The following MITF variants were observed in gnomAD, a reference collection of about 807,000 sequenced individuals.
MITF encodes microphthalmia-associated transcription factor.
Under a neutral mutation model 60.5 loss-of-function variants are expected in MITF, and 17 were observed. The observed-to-expected ratio is 0.28, with a 90% confidence interval of 0.19 to 0.42. MITF has a LOEUF of 0.42. Ranked by LOEUF, MITF falls within the 10% of genes least tolerant of loss-of-function variation. MITF has a pLI of 1.00. For missense variants in MITF, 622 were observed against 683.5 expected (o/e 0.91, Z 1.00); for synonymous variants, 260 against 248.5 (o/e 1.05, Z -0.43).
At chr3:69,757,069 C>T (rs1346687885) in intron 1 of MITF, among the ~76,000 whole-genome samples, 1 of 152,040 alleles carries the variant, frequency 6.6e-6, no homozygotes, top group Admixed American at 6.6e-5. Flanking sequence ...AATTTTCTCC[C>T]ATTCTGTAGA....
chr3:69,802,278 A>C (rs115500385), intron 1 of MITF, among the ~76,000 whole-genome samples: 119 of 152,298 alleles, frequency 7.8e-4, no homozygotes, highest in African/African-American at 2.7e-3. Context: ...CAGCCTCTGC[A>C]ACAATGATCC....
At chr3:69,795,149 G>A (rs1441422915) in intron 1 of MITF, among the ~76,000 whole-genome samples, 3 of 152,068 alleles carry the variant, frequency 2.0e-5, no homozygotes, top group Non-Finnish European at 4.4e-5. Flanking sequence ...TCTTTTGATA[G>A]ATTTATTCTT....
chr3:69,785,786 A>G (rs1004612660), intron 1 of MITF, among the ~76,000 whole-genome samples: 16 of 152,130 alleles, frequency 1.1e-4, no homozygotes, highest in Non-Finnish European at 1.6e-4. Context: ...ATGTCCATCT[A>G]CTGAATGGTC....
chr3:69,880,747 C>T (rs9819125), intron 2 of MITF, among the ~76,000 whole-genome samples: 3,758 of 151,966 alleles, frequency 0.025, 146 homozygotes, highest in African/African-American at 0.083. Flanking sequence ...GGGTGATAAT[C>T]ATTGTGTATA....
At chr3:69,922,735 T>G (rs1322657008) in intron 2 of MITF, among the ~76,000 whole-genome samples, 12 of 152,218 alleles carry the variant, frequency 7.9e-5, no homozygotes, top group African/African-American at 1.2e-4. Context: ...TTTACAAATC[T>G]CATGATACTG....
intron 1 of MITF, among the ~76,000 whole-genome samples, chr3:69,788,708 C>G (rs546132448): frequency 4.5e-4 from 69 of 152,240 alleles, no homozygotes; most frequent in African/African-American, 1.6e-3. Flanking sequence ...CATTACAAAA[C>G]TACAATAATC....
intron 2 of MITF, among the ~76,000 whole-genome samples, chr3:69,935,754 G>C (rs2065819082): frequency 1.3e-5 from 2 of 151,998 alleles, no homozygotes; most frequent in South Asian, 4.1e-4. Context: ...CAGAATATAA[G>C]TTTCATAAAG....
chr3:69,810,141 C>T (rs925228427), intron 1 of MITF, among the ~76,000 whole-genome samples: 4 of 152,142 alleles, frequency 2.6e-5, no homozygotes, highest in Non-Finnish European at 5.9e-5. Flanking sequence ...GAGCCTCATA[C>T]TGACTGGCCA....
intron 1 of MITF, among the ~76,000 whole-genome samples, chr3:69,791,572 G>A (rs372937026): frequency 9.9e-5 from 15 of 152,166 alleles, no homozygotes; most frequent in African/African-American, 2.9e-4. Context: ...ACCTCTTCAT[G>A]GCAAGTTAAG....
At chr3:69,894,015 G>C (rs775710718) in intron 2 of MITF, among the ~76,000 whole-genome samples, 1 of 152,114 alleles carries the variant, frequency 6.6e-6, no homozygotes, top group African/African-American at 2.4e-5. Flanking sequence ...TAGACATCAG[G>C]CTATCAAAAT....
intron 2 of MITF, among the ~76,000 whole-genome samples, chr3:69,922,610 G>A (rs1449969177): frequency 1.3e-5 from 2 of 152,072 alleles, no homozygotes; most frequent in East Asian, 1.9e-4. Context: ...TCTTCTTCCC[G>A]TTTTTGTTAC....
chr3:69,752,299 A>G (rs1387816403), intron 1 of MITF: 1 of 152,248 alleles, frequency 6.6e-6, no homozygotes, highest in Admixed American at 6.5e-5. Context: ...AGAGGTTGGA[A>G]GAATTTGGGG....
At chr3:69,864,214 T>A (rs1341071974) in intron 1 of MITF, among the ~76,000 whole-genome samples, 1 of 152,190 alleles carries the variant, frequency 6.6e-6, no homozygotes, top group Non-Finnish European at 1.5e-5. Flanking sequence ...TACAAAGTCA[T>A]AGAATTAGTA....
chr3:69,943,221 G>A (rs566455089), intron 5 of MITF, among the ~76,000 whole-genome samples: 4 of 151,476 alleles, frequency 2.6e-5, no homozygotes, highest in Admixed American at 1.3e-4. Context: ...CTTGCATCTC[G>A]TTAGTATTCT....
intron 1 of MITF, among the ~76,000 whole-genome samples, chr3:69,766,957 G>T (rs1244785359): frequency 6.6e-6 from 1 of 152,116 alleles, no homozygotes; most frequent in African/African-American, 2.4e-5. Context: ...ATGTTTCTTG[G>T]TCAGCAGATG....
chr3:69,949,110 C>A lies in MITF; in HGVS notation c.822C>A (p.Gly274=), dbSNP rs767823570. 2 of 1,613,746 alleles carry A rather than the reference C, an allele frequency of 1.2e-6. No homozygotes were observed. The highest frequency in any genetic ancestry group is 1.7e-5 in the Admixed American group (1 of 59,962). ...GAAACCAAGGTCTGCCCCCACCAGGCCTCACCATCAGCAACTCCTGTCCAG... is the reference window on the plus strand; with the variant it reads ...GAAACCAAGGTCTGCCCCCACCAGGACTCACCATCAGCAACTCCTGTCCAG... ...LYGNQGLPPP[G]LTISNSCPAN... The change falls in exon 6 of 10, where the codon GGC becomes GGA. Residue 274 remains glycine (G), a synonymous_variant. Coordinates refer to ENST00000352241, the MANE Select transcript of MITF (RefSeq NM_001354604.2).
chr3:69,930,871 A>G lies in MITF; in HGVS notation c.355-6951A>G, dbSNP rs553321499. ...CTCCCAGTCCTGTATTTAATTTTCT[A>G]TGAATGTCAAGAGGACAATTGAGTA... On this transcript the variant is annotated intron_variant, in intron 2 of 9. Transcript: ENST00000352241. Among the ~76,000 whole-genome samples, 9 of 152,360 alleles carry G rather than the reference A, an allele frequency of 5.9e-5. No homozygotes were observed. In the South Asian group the frequency reaches 6.2e-4, roughly 11 times the overall value.
At chr3:69,941,122 A>C in intron 4 of MITF, 114 bp from the exon 5 acceptor site, 2 of 679,584 alleles carry the variant, frequency 2.9e-6, no homozygotes, top group Non-Finnish European at 5.2e-6. Flanking sequence ...ACTTCTTAGA[A>C]TCTAACTAAA....
chr3:69,895,686 A>G (rs894938607), intron 2 of MITF, among the ~76,000 whole-genome samples: 2 of 152,158 alleles, frequency 1.3e-5, no homozygotes, highest in African/African-American at 2.4e-5. Flanking sequence ...GTCAGTGGGT[A>G]TAGGACAGGT....
Sources: allele counts gnomAD v4.1 joint callset (sites outside exome capture counted in the v4.1 genomes callset), GRCh38; gene constraint gnomAD v4.1.1; transcripts MANE v1.5; gene names NCBI Gene and HGNC (gene_info 2026-07-23, HGNC 2026-07-21).